PDZRN3: variants seen among roughly 807,000 people sequenced by gnomAD.
PDZRN3 encodes E3 ubiquitin-protein ligase PDZRN3.
Under a neutral mutation model 85.7 loss-of-function variants are expected in PDZRN3, and 38 were observed. The ratio of observed to expected loss-of-function variants is 0.44; its 90% CI spans 0.34 to 0.58. PDZRN3 has a LOEUF of 0.58. Ranked by LOEUF, PDZRN3 falls within the 20% of genes least tolerant of loss-of-function variation. PDZRN3 has a pLI of 0.01. For synonymous variants in PDZRN3, 759 were observed against 638.0 expected (o/e 1.19, Z -2.86); for missense variants, 1,629 against 1,506.4 (o/e 1.08, Z -1.35).
At chr3:73,447,643 T>A (rs956207355) in intron 3 of PDZRN3, among the ~76,000 whole-genome samples, 3 of 152,130 alleles carry the variant, frequency 2.0e-5, no homozygotes, top group African/African-American at 7.2e-5. Flanking sequence ...TCAAACTATC[T>A]AAATAGGAGG....
intron 5 of PDZRN3, among the ~76,000 whole-genome samples, chr3:73,394,516 A>G (rs558336657): frequency 2.0e-5 from 3 of 152,212 alleles, no homozygotes; most frequent in Admixed American, 6.5e-5. Flanking sequence ...CTATCTTAGA[A>G]GTGGTCTGTG....
chr3:73,502,779 G>A (rs986610197), intron 3 of PDZRN3, among the ~76,000 whole-genome samples: 1 of 152,186 alleles, frequency 6.6e-6, no homozygotes, highest in African/African-American at 2.4e-5. Flanking sequence ...TCAGCTGTGT[G>A]GCATCTTACA....
chr3:73,473,942 C>T (rs1295684743), intron 3 of PDZRN3, among the ~76,000 whole-genome samples: 2 of 152,206 alleles, frequency 1.3e-5, no homozygotes, highest in Non-Finnish European at 2.9e-5. Flanking sequence ...TAAATGGTTG[C>T]TGTTTAAGTC....
intron 3 of PDZRN3, among the ~76,000 whole-genome samples, chr3:73,567,523 C>G (rs955273809): frequency 6.6e-6 from 1 of 151,938 alleles, no homozygotes; most frequent in Non-Finnish European, 1.5e-5. Flanking sequence ...TCAAGCAGAA[C>G]AAGAACAAGC....
At position 73,475,960 on chromosome 3, in the gene PDZRN3, G is replaced by A. The variant is rs1377724318; in HGVS notation, c.919-71565C>T. Among the ~76,000 whole-genome samples the A allele has an allele frequency of 5.9e-5, 9 of 152,162 alleles. No individual in the cohort carries two copies. In the East Asian group the frequency reaches 1.3e-3, roughly 23 times the overall value. On this transcript the variant is annotated intron_variant, in intron 3 of 9. Transcript: ENST00000263666. ...ACAGACTGATTGCTTAGGCTGATAG[G>A]CTTTTGGTGGCAAATCCTTAATTTC...
chr3:73,534,076 T>C (rs1258808629), intron 3 of PDZRN3, among the ~76,000 whole-genome samples: 1 of 152,238 alleles, frequency 6.6e-6, no homozygotes, highest in Non-Finnish European at 1.5e-5. Flanking sequence ...GGACCTTTGA[T>C]TCTTCTGCTT....
intron 3 of PDZRN3, 153 bp from the exon 4 acceptor site, chr3:73,404,548 C>G: frequency 1.4e-6 from 1 of 696,892 alleles, no homozygotes; most frequent in African/African-American, 1.8e-5. Flanking sequence ...TTAGGTTTCC[C>G]GAAGAATGCC....
chr3:73,567,111 T>C lies in PDZRN3; in HGVS notation c.918+35243A>G, dbSNP rs1192296997. On this transcript the variant is annotated intron_variant, in intron 3 of 9. Coordinates refer to ENST00000263666, the MANE Select transcript of PDZRN3 (RefSeq NM_015009.3). Reference sequence around the variant, plus strand: ...AACCTAGTTGTTATTAGACATGCCCTCAAAAAGTCATCCAGAACAGAATTG... The same window carrying C: ...AACCTAGTTGTTATTAGACATGCCCCCAAAAAGTCATCCAGAACAGAATTG... Among the ~76,000 whole-genome samples the C allele has an allele frequency of 2.0e-5, 3 of 152,184 alleles. 1 individual carries two copies. The highest frequency in any genetic ancestry group is 2.0e-4 in the Admixed American group (3 of 15,288).
chr3:73,561,244 C>T (rs1701808501), intron 3 of PDZRN3, among the ~76,000 whole-genome samples: 1 of 152,198 alleles, frequency 6.6e-6, no homozygotes, highest in South Asian at 2.1e-4. Flanking sequence ...CCTGGTGGAG[C>T]TGCTTTAAAG....
At chr3:73,428,439 C>T (rs1180546458) in intron 3 of PDZRN3, among the ~76,000 whole-genome samples, 1 of 152,212 alleles carries the variant, frequency 6.6e-6, no homozygotes, top group African/African-American at 2.4e-5. Context: ...CAAAATCCAA[C>T]TTATTCAACC....
chr3:73,416,868 T>TG lies in PDZRN3; in HGVS notation c.919-12474_919-12473insC, dbSNP rs369486074. Among the ~76,000 whole-genome samples, 235 of 73,188 alleles carry TG rather than the reference T, an allele frequency of 3.2e-3. 1 individual carries two copies. The highest frequency in any genetic ancestry group is 0.011 in the African/African-American group (222 of 19,368). 48.0% of individuals were successfully genotyped at this position (73,188 alleles called of 152,430 possible). ...TGCCTAGGTTTTTTTTTTGTTTGTTTTTTTTTGGTTTTTTTTTTTTTTTTT... is the reference window on the plus strand; with the variant it reads ...TGCCTAGGTTTTTTTTTTGTTTGTTTGTTTTTTGGTTTTTTTTTTTTTTTTT... On this transcript the variant is annotated intron_variant, in intron 3 of 9. Coordinates refer to ENST00000263666, the MANE Select transcript of PDZRN3 (RefSeq NM_015009.3).
At chr3:73,416,557 G>C (rs1206055334) in intron 3 of PDZRN3, among the ~76,000 whole-genome samples, 1 of 151,938 alleles carries the variant, frequency 6.6e-6, no homozygotes, top group East Asian at 1.9e-4. Context: ...CCCTAACCTG[G>C]GGTATTATTT....
intron 8 of PDZRN3, among the ~76,000 whole-genome samples, chr3:73,387,132 T>G (rs1012758921): frequency 2.0e-5 from 3 of 152,212 alleles, no homozygotes; most frequent in Non-Finnish European, 2.9e-5. Context: ...CCACCATGAT[T>G]GTGAGGCCTC....
chr3:73,596,901 A>G (rs1295066892), intron 3 of PDZRN3, among the ~76,000 whole-genome samples: 1 of 152,180 alleles, frequency 6.6e-6, no homozygotes, highest in Admixed American at 6.5e-5. Flanking sequence ...AGTTTAGATT[A>G]CCATACTGTT....
chr3:73,443,924 T>C (rs1348126812), intron 3 of PDZRN3, among the ~76,000 whole-genome samples: 2 of 152,178 alleles, frequency 1.3e-5, no homozygotes, highest in Non-Finnish European at 2.9e-5. Flanking sequence ...AATAATCACA[T>C]CAATTTCAAA....
Position 73,384,682 on chromosome 3 carries a change from G to C in PDZRN3, c.1884C>G (p.Ala628=), listed in dbSNP as rs761131651. The C allele has an allele frequency of 2.4e-5, 38 of 1,613,866 alleles. No homozygotes were observed. The Admixed American group carries it at 2.5e-4, about 11-fold the overall frequency. Residue 628 remains alanine (A), a synonymous_variant, in exon 10 of 10, where the codon GCC becomes GCG. Coordinates refer to ENST00000263666, the MANE Select transcript of PDZRN3 (RefSeq NM_015009.3). ...LPFSNESFIS[A]DCTDADYLGI... is the part of the protein sequence containing the mutation. The stretch of plus-strand genomic sequence containing the variant: ...CCAGGTAGTCGGCGTCCGTGCAGTC[G>C]GCCGAAATGAAAGACTCGTTGCTGA...
chr3:73,512,077 A>G (rs1559716240), intron 3 of PDZRN3, among the ~76,000 whole-genome samples: 1 of 152,252 alleles, frequency 6.6e-6, no homozygotes, highest in Non-Finnish European at 1.5e-5. Flanking sequence ...GTAACAGCTC[A>G]GCATACACAC....
chr3:73,569,078 T>C, intron 3 of PDZRN3: 1 of 891,710 alleles, frequency 1.1e-6, no homozygotes, highest in East Asian at 6.2e-5. Flanking sequence ...GCCCAAAGTA[T>C]GTGCTGCAGC....
chr3:73,535,766 A>C (rs1316439490), intron 3 of PDZRN3, among the ~76,000 whole-genome samples: 1 of 151,328 alleles, frequency 6.6e-6, no homozygotes, highest in Non-Finnish European at 1.5e-5. Flanking sequence ...ATATGGTGTA[A>C]ATCTCGCCCA....
Sources: gnomAD v4.1 joint callset for allele counts (sites outside exome capture counted in the v4.1 genomes callset) on GRCh38, gnomAD v4.1.1 for gene constraint, MANE v1.5 for transcripts, NCBI Gene and HGNC (gene_info 2026-07-23, HGNC 2026-07-21) for gene names.